The following SLC5A3 variants were observed in gnomAD, a reference collection of about 807,000 sequenced individuals.
SLC5A3 encodes the protein sodium/myo-inositol cotransporter.
SLC5A3 carries 10 observed loss-of-function variants against 43.2 expected under a neutral mutation model. The ratio of observed to expected loss-of-function variants is 0.23; its 90% CI spans 0.14 to 0.39. SLC5A3 has a LOEUF of 0.39. Among genes scored for constraint, SLC5A3 ranks in the 10% least tolerant of loss-of-function variants. The pLI is 1.00. For missense variants in SLC5A3, 608 were observed against 893.4 expected (o/e 0.68, Z 4.07); for synonymous variants, 349 against 322.0 (o/e 1.08, Z -0.90).
chr21:34,098,875 G>A lies in SLC5A3; in HGVS notation c.*1520G>A, dbSNP rs1378146958. ...AAGATGAAGGAAGCAAATTATGTAT[G>A]TACTTTCTTTGACCTTCTTTAATCT... On this transcript the variant is annotated 3_prime_UTR_variant, in exon 2 of 2. Coordinates refer to ENST00000381151, the MANE Select transcript of SLC5A3 (RefSeq NM_006933.7). The A allele has an allele frequency of 6.0e-6, 6 of 999,566 alleles. No homozygotes were observed. Among genetic ancestry groups the A allele is most frequent in the Non-Finnish European group, 7.2e-6 (6 of 829,470 alleles). 61.9% of individuals were successfully genotyped at this position (999,566 alleles called of 1,614,324 possible).
At chr21:34,086,517 TTGTG>T (rs34988334) in intron 1 of SLC5A3, among the ~76,000 whole-genome samples, 6,455 of 146,926 alleles carry the variant, frequency 0.044, 204 homozygotes, top group African/African-American at 0.087. Context: ...TAGTTTGTGT[TTGTG>T]TGTGTGTGTG....
chr21:34,074,609 A>C (rs1989279859), intron 1 of SLC5A3, among the ~76,000 whole-genome samples: 1 of 152,068 alleles, frequency 6.6e-6, no homozygotes, highest in African/African-American at 2.4e-5. Flanking sequence ...TGTACTCCTC[A>C]AGTCGTCGCC....
intron 1 of SLC5A3, among the ~76,000 whole-genome samples, chr21:34,093,778 A>G (rs1328318522): frequency 2.0e-5 from 3 of 152,218 alleles, no homozygotes; most frequent in Non-Finnish European, 4.4e-5. Flanking sequence ...TCAAATTTTA[A>G]TACATTTAAT....
Position 34,096,100 on chromosome 21 carries a change from T to C in SLC5A3, c.902T>C (p.Met301Thr), listed in dbSNP as rs139476452. 3.8e-4 allele frequency: 617 copies of C among 1,614,004 alleles called. No individual in the cohort carries two copies. The highest frequency in any genetic ancestry group is 1.6e-4 in the Middle Eastern group (1 of 6,084). The change falls in exon 2 of 2, where the codon ATG (methionine) becomes ACG (threonine). Residue 301 changes from methionine to threonine, a missense_variant. Physicochemically the swap from Met to Thr is moderately conservative, Grantham distance 81. Coordinates refer to ENST00000381151, the MANE Select transcript of SLC5A3 (RefSeq NM_006933.7). This position sits in a 1 kb window ranked among gnomAD's most constrained non-coding sequence, Gnocchi z 5.9. ...GCTCATGCCAAAGGCTCTACTCTTA[T>C]GGCTGGCTTCTTAAAGCTCCTGCCA... Reference protein sequence around the residue: ...NIAHAKGSTLMAGFLKLLPMF... With the variant: ...NIAHAKGSTLTAGFLKLLPMF...
At chr21:34,085,694 C>T (rs1055972338) in intron 1 of SLC5A3, among the ~76,000 whole-genome samples, 10 of 151,598 alleles carry the variant, frequency 6.6e-5, no homozygotes, top group African/African-American at 1.7e-4. Context: ...CTCTGCCTCC[C>T]GGGTTTCACG....
chr21:34,098,331 T>C lies in SLC5A3; in HGVS notation c.*976T>C. ...CAGTTGGAAGATATGTCCAGAAACC[T>C]GAAGAAAAATTGACGCTGCCTTTGT... On this transcript the variant is annotated 3_prime_UTR_variant, in exon 2 of 2. Coordinates refer to ENST00000381151, the MANE Select transcript of SLC5A3 (RefSeq NM_006933.7). 2.0e-6 allele frequency: 2 copies of C among 1,000,206 alleles called. No individual in the cohort carries two copies. The highest frequency in any genetic ancestry group is 2.4e-6 in the Non-Finnish European group (2 of 829,956). 62.0% of individuals were successfully genotyped at this position (1,000,206 alleles called of 1,614,324 possible). A position where few individuals can be genotyped will look rare whatever the true frequency, so the allele number is the denominator to read the frequency against.
chr21:34,090,972 T>A (rs1439002210), intron 1 of SLC5A3, among the ~76,000 whole-genome samples: 3 of 152,184 alleles, frequency 2.0e-5, no homozygotes, highest in Non-Finnish European at 4.4e-5. Context: ...CAAGCTTGGG[T>A]ATGCCCATGT....
At chr21:34,084,995 T>G (rs940416406) in intron 1 of SLC5A3, among the ~76,000 whole-genome samples, 2 of 152,238 alleles carry the variant, frequency 1.3e-5, no homozygotes, top group African/African-American at 2.4e-5. Context: ...AGGGCCTTCC[T>G]CCTAACCACA....
rs1416771406 is a variant in SLC5A3, at chr21:34,073,614, T to G, written c.-468T>G. ...CTGGGAGCCGTCCGGCGCAGCAGTTTCTAGGTCCCCACTGTCCCCGCCGTC... is the reference window on the plus strand; with the variant it reads ...CTGGGAGCCGTCCGGCGCAGCAGTTGCTAGGTCCCCACTGTCCCCGCCGTC... On this transcript the variant is annotated 5_prime_UTR_variant, in exon 1 of 2. Transcript: ENST00000381151. 8.2e-7 allele frequency: 1 copy of G among 1,217,020 alleles called. No homozygotes were observed. Among genetic ancestry groups the G allele is most frequent in the African/African-American group, 1.6e-5 (1 of 62,372 alleles). The allele number at this position is 1,217,020 out of a possible 1,614,324, so 75.4% of individuals were successfully genotyped here.
rs181051877 is a variant in SLC5A3, at chr21:34,100,809, A to G, written c.*3454A>G. On this transcript the variant is annotated 3_prime_UTR_variant, in exon 2 of 2. Coordinates refer to ENST00000381151, the MANE Select transcript of SLC5A3 (RefSeq NM_006933.7). ...ATATGGATCTTCCCCTCTGACTTTG[A>G]ATATCATTTGGTGTGGCCTGTGGGT... The G allele has an allele frequency of 1.2e-3, 1,210 of 1,000,248 alleles. 2 individuals are homozygous for G. The highest frequency in any genetic ancestry group is 1.4e-3 in the Non-Finnish European group (1,146 of 829,972). 62.0% of individuals were successfully genotyped at this position (1,000,248 alleles called of 1,614,324 possible). A position where few individuals can be genotyped will look rare whatever the true frequency, so the allele number is the denominator to read the frequency against.
intron 1 of SLC5A3, among the ~76,000 whole-genome samples, chr21:34,093,049 A>G (rs1462171909): frequency 6.6e-6 from 1 of 152,116 alleles, no homozygotes; most frequent in Admixed American, 6.5e-5. Flanking sequence ...ATTTAACGAT[A>G]CCTTTTTAAA....
chr21:34,076,604 C>A (rs1481180101), intron 1 of SLC5A3, among the ~76,000 whole-genome samples: 1 of 152,126 alleles, frequency 6.6e-6, no homozygotes, highest in East Asian at 1.9e-4. Flanking sequence ...AATTTATTTT[C>A]AAGTACCATA....
chr21:34,073,606 C>T lies in SLC5A3; in HGVS notation c.-476C>T, dbSNP rs1467398354. ...TTCGCCGCCTGGGAGCCGTCCGGCG[C>T]AGCAGTTTCTAGGTCCCCACTGTCC... On this transcript the variant is annotated 5_prime_UTR_variant, in exon 1 of 2. Transcript: ENST00000381151. The T allele has an allele frequency of 6.9e-5, 77 of 1,110,308 alleles. 1 individual carries two copies. In the Admixed American group the frequency reaches 1.6e-3, roughly 23 times the overall value. The allele number at this position is 1,110,308 out of a possible 1,614,324, so 68.8% of individuals were successfully genotyped here. A position where few individuals can be genotyped will look rare whatever the true frequency, so the allele number is the denominator to read the frequency against.
At chr21:34,089,863 A>G (rs1315739324) in intron 1 of SLC5A3, among the ~76,000 whole-genome samples, 1 of 152,228 alleles carries the variant, frequency 6.6e-6, no homozygotes, top group Non-Finnish European at 1.5e-5. Flanking sequence ...ATGTTTTGTC[A>G]AAAAGATTTA....
At chr21:34,083,147 A>G (rs1467050785) in intron 1 of SLC5A3, among the ~76,000 whole-genome samples, 1 of 152,158 alleles carries the variant, frequency 6.6e-6, no homozygotes, top group Non-Finnish European at 1.5e-5. Context: ...TAATTTTGTC[A>G]GGTGAAGAAA....
intron 1 of SLC5A3, among the ~76,000 whole-genome samples, chr21:34,093,548 A>G (rs1267936874): frequency 1.4e-4 from 22 of 152,176 alleles, no homozygotes; most frequent in Admixed American, 1.4e-3. Flanking sequence ...TAGCTTTAGT[A>G]TAATTTATAG....
intron 1 of SLC5A3, among the ~76,000 whole-genome samples, chr21:34,074,240 G>T (rs1989266673): frequency 6.6e-6 from 1 of 151,532 alleles, no homozygotes; most frequent in African/African-American, 2.4e-5. Context: ...CCCGCCGGCC[G>T]CCCGGAACGT....
rs11327535 is a variant in SLC5A3, at chr21:34,082,055, G to GT, written c.-337+8323dup. On this transcript the variant is annotated intron_variant, in intron 1 of 1. Coordinates refer to ENST00000381151, the MANE Select transcript of SLC5A3 (RefSeq NM_006933.7). ...AAATCCAGATTTTATAGGAAATCTG[G>GT]TTTTTTTTTTTTTGATGTTGCCAAC... Among the ~76,000 whole-genome samples the GT allele has an allele frequency of 2.7e-3, 390 of 143,396 alleles. 1 individual carries two copies. The highest frequency in any genetic ancestry group is 3.5e-3 in the Middle Eastern group (1 of 282). 94.1% of individuals were successfully genotyped at this position (143,396 alleles called of 152,430 possible).
chr21:34,097,431 A>G lies in SLC5A3; in HGVS notation c.*76A>G, dbSNP rs534768425. 43 of 1,469,472 alleles carry G rather than the reference A, an allele frequency of 2.9e-5. No individual in the cohort carries two copies. In the East Asian group the frequency reaches 8.9e-4, roughly 30 times the overall value. 91.0% of individuals were successfully genotyped at this position (1,469,472 alleles called of 1,614,324 possible). ...GGGGAAAAAAGTTATGTAACTGTGC[A>G]TCTCTCAGGCATTGTTTACGCTGTA... On this transcript the variant is annotated 3_prime_UTR_variant, in exon 2 of 2. Coordinates refer to ENST00000381151, the MANE Select transcript of SLC5A3 (RefSeq NM_006933.7).
Sources: allele counts gnomAD v4.1 joint callset (sites outside exome capture counted in the v4.1 genomes callset), GRCh38; gene constraint gnomAD v4.1.1; non-coding constraint Gnocchi (gnomAD v3.1); transcripts MANE v1.5; gene names NCBI Gene and HGNC (gene_info 2026-07-23, HGNC 2026-07-21).